The following SLC4A4 variants were observed in gnomAD, a reference collection of about 807,000 sequenced individuals.
SLC4A4 encodes the protein electrogenic sodium bicarbonate cotransporter 1.
Under a neutral mutation model 111.5 loss-of-function variants are expected in SLC4A4, and 27 were observed. The observed-to-expected ratio is 0.24, with a 90% confidence interval of 0.18 to 0.33. The LOEUF (loss-of-function observed/expected upper bound fraction) is 0.33, where lower values mean the gene tolerates loss of function less well. Ranked by LOEUF, SLC4A4 falls within the 10% of genes least tolerant of loss-of-function variation. The pLI is 1.00. For missense variants in SLC4A4, 909 were observed against 1,315.5 expected (o/e 0.69, Z 4.78); for synonymous variants, 443 against 463.4 (o/e 0.96, Z 0.57).
chr4:71,523,906 G>A lies in SLC4A4; in HGVS notation c.2167-8156G>A, dbSNP rs180976781. The stretch of plus-strand genomic sequence containing the variant: ...TTGGTCTTAATGAATTTTAGTGTTA[G>A]GACTTTAAACACCATCTAGTGTAAC... On this transcript the variant is annotated intron_variant, in intron 16 of 25. Coordinates refer to ENST00000264485, the MANE Select transcript of SLC4A4 (RefSeq NM_001098484.3). Among the ~76,000 whole-genome samples, 585 of 152,076 alleles carry A rather than the reference G, an allele frequency of 3.8e-3. 6 individuals carry two copies. Among genetic ancestry groups the A allele is most frequent in the African/African-American group, 0.013 (540 of 41,488 alleles).
At chr4:71,444,392 C>T (rs568994342) in intron 8 of SLC4A4, among the ~76,000 whole-genome samples, 88 of 152,142 alleles carry the variant, frequency 5.8e-4, no homozygotes, top group Middle Eastern at 3.4e-3. Context: ...GATAACTAGA[C>T]GCTATTAAAA....
At position 71,481,062 on chromosome 4, in the gene SLC4A4, C is replaced by T. The variant is rs528096449; in HGVS notation, c.1904-5886C>T. Among the ~76,000 whole-genome samples the T allele has an allele frequency of 5.3e-5, 8 of 151,776 alleles. No individual in the cohort carries two copies. The South Asian group carries it at 1.2e-3, about 24-fold the overall frequency. ...CCTACACTGTGTTATTTTATCTGCACAGTAACCTTATGAGGTAGATGGTTT... is the reference window on the plus strand; with the variant it reads ...CCTACACTGTGTTATTTTATCTGCATAGTAACCTTATGAGGTAGATGGTTT... On this transcript the variant is annotated intron_variant, in intron 14 of 25. Coordinates refer to ENST00000264485, the MANE Select transcript of SLC4A4 (RefSeq NM_001098484.3).
intron 2 of SLC4A4, among the ~76,000 whole-genome samples, chr4:71,154,854 T>A (rs1487873818): frequency 1.3e-5 from 2 of 152,172 alleles, no homozygotes; most frequent in South Asian, 2.1e-4. Context: ...AATTTGATGA[T>A]CAGTGTTATG....
At chr4:71,529,317 A>G (rs1330590355) in intron 16 of SLC4A4, among the ~76,000 whole-genome samples, 1 of 152,094 alleles carries the variant, frequency 6.6e-6, no homozygotes, top group Non-Finnish European at 1.5e-5. Context: ...CAGCTGGTAT[A>G]TTTGTCTGAA....
chr4:71,090,565 G>C (rs945700802), intron 1 of SLC4A4, among the ~76,000 whole-genome samples: 2 of 152,186 alleles, frequency 1.3e-5, no homozygotes, highest in African/African-American at 4.8e-5. Context: ...ATCAGTTTGG[G>C]AAGGGGAGAC....
intron 3 of SLC4A4, among the ~76,000 whole-genome samples, chr4:71,284,385 G>A (rs1405851874): frequency 6.6e-6 from 1 of 152,270 alleles, no homozygotes; most frequent in African/African-American, 2.4e-5. Flanking sequence ...ATGGTGGTCC[G>A]TTCCATGTGT....
At chr4:71,296,299 C>A (rs192360839) in intron 3 of SLC4A4, among the ~76,000 whole-genome samples, 4 of 152,284 alleles carry the variant, frequency 2.6e-5, no homozygotes, top group Admixed American at 2.0e-4. Context: ...CATCTACTCT[C>A]TTCTCTTTGG....
rs571127535 is a variant in SLC4A4, at chr4:71,278,621, A to G, written c.253+23222A>G. Among the ~76,000 whole-genome samples the G allele has an allele frequency of 9.2e-5, 14 of 152,268 alleles. No individual in the cohort carries two copies. The South Asian group carries it at 2.7e-3, about 29-fold the overall frequency. On this transcript the variant is annotated intron_variant, in intron 3 of 25. Coordinates refer to ENST00000264485, the MANE Select transcript of SLC4A4 (RefSeq NM_001098484.3). ...ACACCCACCTCTTGTCTTTTTCATA[A>G]TAGTTATCCTAACAGGTATGATGTG...
intron 7 of SLC4A4, among the ~76,000 whole-genome samples, chr4:71,400,010 G>T (rs868283370): frequency 6.6e-6 from 1 of 152,090 alleles, no homozygotes; most frequent in Non-Finnish European, 1.5e-5. Flanking sequence ...AATTTATTTC[G>T]CACATTTTGT....
At chr4:71,563,656 C>A (rs1737189789) in intron 23 of SLC4A4, 137 bp from the exon 24 acceptor site, 2 of 691,482 alleles carry the variant, frequency 2.9e-6, no homozygotes, top group Non-Finnish European at 5.2e-6. Context: ...TAAAAGATGG[C>A]AAACTGGAAG....
chr4:71,137,890 G>C (rs1035320895), intron 2 of SLC4A4, among the ~76,000 whole-genome samples: 1 of 152,142 alleles, frequency 6.6e-6, no homozygotes, highest in Non-Finnish European at 1.5e-5. Context: ...ATTTCACAAA[G>C]AAACAAACCC....
chr4:71,172,428 G>A (rs1157329408), intron 2 of SLC4A4, among the ~76,000 whole-genome samples: 1 of 151,910 alleles, frequency 6.6e-6, no homozygotes, highest in Non-Finnish European at 1.5e-5. Flanking sequence ...GCAGATTTTT[G>A]TATTTTTAGT....
At chr4:71,256,680 T>A (rs1721475982) in intron 3 of SLC4A4, among the ~76,000 whole-genome samples, 1 of 152,126 alleles carries the variant, frequency 6.6e-6, no homozygotes, top group Non-Finnish European at 1.5e-5. Flanking sequence ...TCGATTAAGG[T>A]AGTGGAGTCT....
chr4:71,134,338 C>T (rs1355849842), intron 2 of SLC4A4, among the ~76,000 whole-genome samples: 1 of 152,200 alleles, frequency 6.6e-6, no homozygotes, highest in African/African-American at 2.4e-5. Flanking sequence ...AACTCTCCTA[C>T]TGGTCTTGCT....
intron 16 of SLC4A4, among the ~76,000 whole-genome samples, chr4:71,527,707 A>AT (rs955454193): frequency 6.6e-6 from 1 of 150,626 alleles, no homozygotes; most frequent in Non-Finnish European, 1.5e-5. Flanking sequence ...AAAAAAAAAA[A>AT]GGAGGAGAGC....
chr4:71,071,619 C>T (rs1741666247), intron 1 of SLC4A4, among the ~76,000 whole-genome samples: 1 of 152,102 alleles, frequency 6.6e-6, no homozygotes, highest in South Asian at 2.1e-4. Flanking sequence ...TTAAGTTATC[C>T]TTCCAGAGAT....
chr4:71,467,052 G>A (rs536441373), intron 13 of SLC4A4, among the ~76,000 whole-genome samples: 2 of 151,428 alleles, frequency 1.3e-5, no homozygotes, highest in Admixed American at 1.3e-4. Flanking sequence ...GCTTATCCCC[G>A]AGGACTTTAG....
chr4:71,194,876 G>A (rs1384057524), intron 1 of SLC4A4, among the ~76,000 whole-genome samples: 1 of 151,966 alleles, frequency 6.6e-6, no homozygotes, highest in Non-Finnish European at 1.5e-5. Flanking sequence ...TATAAATAAG[G>A]TGTTTCACAG....
At chr4:71,443,116 C>CTCTCTCTCTCTATATATATATATATATA (rs1198759861) in intron 8 of SLC4A4, among the ~76,000 whole-genome samples, 3 of 65,658 alleles carry the variant, frequency 4.6e-5, no homozygotes, top group African/African-American at 1.7e-4. Flanking sequence ...CTCTCTCTCT[C>CTCTCTCTCTCTATATATATATATATATA]TATATATATA....
Sources: gnomAD v4.1 joint callset for allele counts (sites outside exome capture counted in the v4.1 genomes callset) on GRCh38, gnomAD v4.1.1 for gene constraint, MANE v1.5 for transcripts, NCBI Gene and HGNC (gene_info 2026-07-23, HGNC 2026-07-21) for gene names.